Variants in POMGNT1 observed in about 807,000 individuals in gnomAD.
POMGNT1 encodes the protein protein O-linked mannose N-acetylglucosaminyltransferase 1 (beta 1,2-).
A neutral mutation model predicts 95.6 loss-of-function variants in POMGNT1; 67 were observed. The observed-to-expected ratio is 0.70, with a 90% CI of 0.58 to 0.86. POMGNT1 has a LOEUF of 0.86. Among genes scored for constraint, POMGNT1 ranks in the 40% least tolerant of loss-of-function variants. POMGNT1 has a pLI of 0.00. For missense variants in POMGNT1, 719 were observed against 855.2 expected, an observed-to-expected ratio of 0.84 and a Z score of 1.99; for synonymous variants, 298 against 317.9, an observed-to-expected ratio of 0.94 and a Z score of 0.66.
At chr1:46,204,796 C>T (rs1658660976) in intron 1 of POMGNT1, among the ~76,000 whole-genome samples, 1 of 152,220 alleles carries the variant, frequency 6.6e-6, no homozygotes, top group Non-Finnish European at 1.5e-5. Flanking sequence ...TTGCCTTTGC[C>T]TCACTGTACA....
chr1:46,213,685 A>C (rs1275586107), intron 1 of POMGNT1, among the ~76,000 whole-genome samples: 2 of 152,186 alleles, frequency 1.3e-5, no homozygotes, highest in Non-Finnish European at 2.9e-5. Context: ...ATGCCACTGC[A>C]CTCCAGCCTG....
At chr1:46,192,741 G>A (rs1439095447) in intron 14 of POMGNT1, 151 bp from the exon 15 acceptor site, 2 of 1,593,370 alleles carry the variant, frequency 1.3e-6, no homozygotes, top group Non-Finnish European at 1.7e-6. Flanking sequence ...TTCATCCACT[G>A]TACCTTCAAC....
rs183166379 is a variant in POMGNT1, at chr1:46,191,720, C to T, written c.1539+378G>A. The T allele has an allele frequency of 3.6e-3, 1,218 of 337,096 alleles. 10 individuals are homozygous for T. Among genetic ancestry groups the T allele is most frequent in the South Asian group, 6.0e-3 (252 of 41,670 alleles). 20.9% of individuals were successfully genotyped at this position (337,096 alleles called of 1,614,324 possible). ...CGTGATCTTGGCTCACAGCAAGCTTCGCCTCCTGGGTTCACGCCATTCTCC... is the reference window on the plus strand; with the variant it reads ...CGTGATCTTGGCTCACAGCAAGCTTTGCCTCCTGGGTTCACGCCATTCTCC... On this transcript the variant is annotated intron_variant, in intron 17 of 21. Coordinates refer to ENST00000371984, the MANE Select transcript of POMGNT1 (RefSeq NM_017739.4).
At position 46,193,588 on chromosome 1, in the gene POMGNT1, T is replaced by G. The variant is rs768588675; in HGVS notation, c.1002A>C (p.Thr334=). 14 of 1,614,130 alleles carry G rather than the reference T, an allele frequency of 8.7e-6. No individual in the cohort carries two copies. The East Asian group carries it at 1.3e-4, about 15-fold the overall frequency. ...SAQGVSPQMI[T]VFIDGYYEEP... is the part of the protein sequence containing the mutation. ...CCTCATAGTAGCCGTCAATGAAAAC[T>G]GTTATCATCTGAGGAGACACCCCCT... Residue 334 remains threonine, a synonymous_variant, in exon 11 of 22, where the codon ACA becomes ACC. Transcript: ENST00000371984.
intron 1 of POMGNT1, among the ~76,000 whole-genome samples, chr1:46,210,935 C>T (rs910222970): frequency 4.0e-5 from 6 of 148,688 alleles, no homozygotes; most frequent in African/African-American, 1.2e-4. Flanking sequence ...ATACCACACT[C>T]ACCTAATTTT....
At chr1:46,207,427 C>T (rs536881798) in intron 1 of POMGNT1, among the ~76,000 whole-genome samples, 34 of 152,056 alleles carry the variant, frequency 2.2e-4, no homozygotes, top group African/African-American at 7.7e-4. Context: ...GTCCCTTATC[C>T]TAGGAAGCAT....
rs1406093098 is a variant in POMGNT1, at chr1:46,194,295, G to C, written c.858C>G (p.Pro286=). The C allele has an allele frequency of 6.2e-7, 1 of 1,614,182 alleles. No individual in the cohort carries two copies. Among genetic ancestry groups the C allele is most frequent in the Non-Finnish European group, 8.5e-7 (1 of 1,180,024 alleles). Reference sequence around the variant, plus strand: ...TCACTGGGTCAGGGCTGAACTCGATGGGTGTGGGGTCCTTGCAGCTGCATA... The same window carrying C: ...TCACTGGGTCAGGGCTGAACTCGATCGGTGTGGGGTCCTTGCAGCTGCATA... ...GSVCSCKDPT[P]IEFSPDPLPD... is the part of the protein sequence containing the mutation. Residue 286 remains proline, a synonymous_variant, in exon 9 of 22, where the codon CCC becomes CCG. Transcript: ENST00000371984.
intron 1 of POMGNT1, among the ~76,000 whole-genome samples, chr1:46,212,191 C>T (rs1289564164): frequency 4.6e-5 from 7 of 152,124 alleles, no homozygotes; most frequent in Non-Finnish European, 1.0e-4. Context: ...GTGTGACCTG[C>T]GGGATCTGAC....
intron 9 of POMGNT1, 149 bp downstream of exon 9, chr1:46,194,125 C>T: frequency 6.5e-7 from 1 of 1,542,406 alleles, no homozygotes; most frequent in Admixed American, 2.0e-5. Context: ...GCCCCTTCAC[C>T]CCAGCCCTGT....
Position 46,196,785 on chromosome 1 carries a change from G to A in POMGNT1, c.300C>T (p.Asp100=), listed in dbSNP as rs748654101. The change falls in exon 4 of 22, where the codon GAC becomes GAT. Residue 100 remains aspartate, a synonymous_variant. Coordinates refer to ENST00000371984, the MANE Select transcript of POMGNT1 (RefSeq NM_017739.4). This position sits in a 1 kb window ranked among gnomAD's most constrained non-coding sequence, Gnocchi z 4.4. Reference sequence around the variant, plus strand: ...TGCTGCGACTTGAATACACCTCTACGTCCAGGACCCGCCGGGGACCACTGC... The same window carrying A: ...TGCTGCGACTTGAATACACCTCTACATCCAGGACCCGCCGGGGACCACTGC... ...RRGSGPRRVL[D]VEVYSSRSKV... 1.4e-5 allele frequency: 23 copies of A among 1,614,050 alleles called. No individual in the cohort carries two copies. Among genetic ancestry groups the A allele is most frequent in the Admixed American group, 6.7e-5 (4 of 60,010 alleles).
intron 20 of POMGNT1, 64 bp downstream of exon 20, chr1:46,189,790 G>C: frequency 6.2e-7 from 1 of 1,606,938 alleles, no homozygotes; most frequent in Middle Eastern, 1.9e-4. Flanking sequence ...AGGCTCCCTG[G>C]ATCTTGGGGC....
chr1:46,219,700 C>A, intron 1 of POMGNT1: 1 of 1,581,590 alleles, frequency 6.3e-7, no homozygotes, highest in Admixed American at 1.7e-5. Context: ...CTCCCCCAGG[C>A]TTACCTGCGA....
At chr1:46,190,333 C>T (rs758594361) in intron 19 of POMGNT1, 140 bp downstream of exon 19, 18 of 1,170,230 alleles carry the variant, frequency 1.5e-5, no homozygotes, top group Admixed American at 3.4e-5. Context: ...CGTGAGCCAC[C>T]GCGCCCGGCC....
intron 1 of POMGNT1, among the ~76,000 whole-genome samples, chr1:46,209,810 TGTA>T (rs1658838718): frequency 6.6e-6 from 1 of 151,772 alleles, no homozygotes; most frequent in South Asian, 2.1e-4. Flanking sequence ...CATGCACGGC[TGTA>T]GATGTAAATT....
upstream of POMGNT1, among the ~76,000 whole-genome samples, chr1:46,202,653 C>T (rs1336235875): frequency 2.1e-5 from 3 of 142,544 alleles, no homozygotes; most frequent in Admixed American, 7.3e-5. Context: ...GCCAAGATCG[C>T]GCCACCACGC....
chr1:46,208,235 C>T (rs796844246), intron 1 of POMGNT1, among the ~76,000 whole-genome samples: 3 of 152,076 alleles, frequency 2.0e-5, no homozygotes, highest in Non-Finnish European at 2.9e-5. Flanking sequence ...TCAAGCAGTC[C>T]GTTTGTGTCA....
chr1:46,192,058 G>T, intron 17 of POMGNT1, 40 bp downstream of exon 17: 8 of 1,593,972 alleles, frequency 5.0e-6, no homozygotes, highest in Non-Finnish European at 6.9e-6. Flanking sequence ...GTTCTTGACT[G>T]TCATGCCACA....
At chr1:46,193,513 C>G in intron 11 of POMGNT1, 51 bp downstream of exon 11, 2 of 1,614,048 alleles carry the variant, frequency 1.2e-6, no homozygotes, top group Non-Finnish European at 1.7e-6. Context: ...CTGGCAATCA[C>G]TGCTGCTCCA....
rs761978964 is a variant in POMGNT1, at chr1:46,195,841, C to A, written c.504G>T (p.Ala168=). The change falls in exon 6 of 22, where the codon GCG becomes GCT. Residue 168 remains alanine, a synonymous_variant. Coordinates refer to ENST00000371984, the MANE Select transcript of POMGNT1 (RefSeq NM_017739.4). ...EAMVLFLNMV[A]PGRVLICTVK... is the part of the protein sequence containing the mutation. Reference sequence around the variant, plus strand: ...CAGTGCAGATGAGCACTCGGCCGGGCGCTACCATGTTGAGGAATAGCACCA... The same window carrying A: ...CAGTGCAGATGAGCACTCGGCCGGGAGCTACCATGTTGAGGAATAGCACCA... 2.5e-6 allele frequency: 4 copies of A among 1,607,142 alleles called. No homozygotes were observed. Among genetic ancestry groups the A allele is most frequent in the Non-Finnish European group, 3.4e-6 (4 of 1,176,372 alleles).
Sources: gnomAD v4.1 joint callset for allele counts (sites outside exome capture counted in the v4.1 genomes callset) on GRCh38, gnomAD v4.1.1 for gene constraint, Gnocchi (gnomAD v3.1) non-coding constraint, MANE v1.5 for transcripts, NCBI Gene and HGNC (gene_info 2026-07-23, HGNC 2026-07-21) for gene names.